AKAP12: variants seen among roughly 807,000 people sequenced by gnomAD.
The protein encoded by AKAP12 is A-kinase anchoring protein 12.
A neutral mutation model predicts 79.9 loss-of-function variants in AKAP12; 32 were observed. The observed-to-expected ratio is 0.40, with a 90% CI of 0.30 to 0.54. The LOEUF (loss-of-function observed/expected upper bound fraction) is 0.54. Ranked by LOEUF, AKAP12 falls within the 20% of genes least tolerant of loss-of-function variation. AKAP12 has a pLI of 0.48. For synonymous variants in AKAP12, 808 were observed against 857.0 expected, an observed-to-expected ratio of 0.94 and a Z score of 1.00; for missense variants, 2,074 against 2,177.0, an observed-to-expected ratio of 0.95 and a Z score of 0.94.
intron 3 of AKAP12, among the ~76,000 whole-genome samples, chr6:151,317,489 T>TCAGA (rs1163517737): frequency 6.6e-6 from 1 of 152,212 alleles, no homozygotes; most frequent in Non-Finnish European, 1.5e-5. Flanking sequence ...TATATATATT[T>TCAGA]CAGACAGGAA....
At chr6:151,257,226 G>C (rs1797319732) in intron 2 of AKAP12, among the ~76,000 whole-genome samples, 1 of 151,952 alleles carries the variant, frequency 6.6e-6, no homozygotes, top group Non-Finnish European at 1.5e-5. Context: ...TTGTCTAGTA[G>C]TTCCCAGTGT....
chr6:151,341,697 C>CG, intron 3 of AKAP12: 1 of 1,246,626 alleles, frequency 8.0e-7, no homozygotes, highest in Non-Finnish European at 1.0e-6. Flanking sequence ...GTGAGTAGCA[C>CG]GTGCACCCAA....
intron 2 of AKAP12, among the ~76,000 whole-genome samples, chr6:151,264,600 G>C (rs1282562217): frequency 6.6e-6 from 1 of 151,352 alleles, no homozygotes; most frequent in Non-Finnish European, 1.5e-5. Flanking sequence ...GAACCCGGGA[G>C]GCAGAGGTTG....
chr6:151,330,349 G>T (rs1933082), intron 3 of AKAP12, among the ~76,000 whole-genome samples: 76,416 of 151,952 alleles, frequency 0.5, 22,278 homozygotes, highest in African/African-American at 0.8. Context: ...GCTCCAGTAT[G>T]GGATCCTTGC....
intron 2 of AKAP12, among the ~76,000 whole-genome samples, chr6:151,287,080 C>T (rs1160502422): frequency 1.2e-4 from 18 of 151,820 alleles, no homozygotes; most frequent in African/African-American, 3.4e-4. Flanking sequence ...GCTGGGACTA[C>T]AGGCGCCCGC....
intron 3 of AKAP12, among the ~76,000 whole-genome samples, chr6:151,334,051 C>T (rs1055352497): frequency 1.3e-5 from 2 of 152,120 alleles, no homozygotes; most frequent in African/African-American, 2.4e-5. Flanking sequence ...GGGAGGATCA[C>T]TTGAAGCCAG....
chr6:151,329,340 T>C (rs755052090), intron 3 of AKAP12, among the ~76,000 whole-genome samples: 3 of 152,240 alleles, frequency 2.0e-5, no homozygotes, highest in African/African-American at 7.2e-5. Context: ...GGTCTTGAAC[T>C]CCTGACCTCA....
intron 2 of AKAP12, among the ~76,000 whole-genome samples, chr6:151,279,606 C>A (rs1005866164): frequency 2.6e-5 from 4 of 152,084 alleles, no homozygotes; most frequent in Non-Finnish European, 4.4e-5. Context: ...TAAAAATTTA[C>A]TTTCTCTCTG....
At chr6:151,300,477 G>A (rs548472136) in intron 2 of AKAP12, among the ~76,000 whole-genome samples, 7 of 152,212 alleles carry the variant, frequency 4.6e-5, no homozygotes, top group Admixed American at 1.3e-4. Flanking sequence ...CTCTGCCCCT[G>A]GCATCCTGAC....
At chr6:151,268,945 GTTTTTTTTT>G (rs558502756) in intron 2 of AKAP12, among the ~76,000 whole-genome samples, 15 of 77,432 alleles carry the variant, frequency 1.9e-4, no homozygotes, top group Admixed American at 2.5e-4. Context: ...TGCTCGGCCT[GTTTTTTTTT>G]TTTTTTTTTT....
rs139077508 is a variant in AKAP12 at position 151,268,357 on chromosome 6, C to T, written c.162+27633C>T. Among the ~76,000 whole-genome samples, 224 of 152,188 alleles carry T rather than the reference C, an allele frequency of 1.5e-3. 1 individual carries two copies. The highest frequency in any genetic ancestry group is 5.1e-3 in the African/African-American group (213 of 41,528). On this transcript the variant is annotated intron_variant, in intron 2 of 4. Transcript: ENST00000402676. ...GCTTGAACCCGGGAGGCAGAGGTTG[C>T]GGTGAGCTGAGATCACGCCATTGCA...
chr6:151,318,268 T>C (rs1777279916), intron 3 of AKAP12, among the ~76,000 whole-genome samples: 1 of 152,214 alleles, frequency 6.6e-6, no homozygotes, highest in Non-Finnish European at 1.5e-5. Context: ...GCCTGCAGGA[T>C]TGTGGAAAAT....
intron 2 of AKAP12, among the ~76,000 whole-genome samples, chr6:151,286,234 G>A (rs1222872564): frequency 1.3e-5 from 2 of 152,172 alleles, no homozygotes; most frequent in Non-Finnish European, 2.9e-5. Flanking sequence ...ACTTGTTTAG[G>A]GAAAGCCCTT....
chr6:151,315,554 T>C (rs1209399937), intron 3 of AKAP12, among the ~76,000 whole-genome samples: 2 of 152,226 alleles, frequency 1.3e-5, no homozygotes, highest in Non-Finnish European at 2.9e-5. Flanking sequence ...GTTTTATTTA[T>C]GGAATGAAAA....
At chr6:151,278,341 A>G (rs1167087765) in intron 2 of AKAP12, among the ~76,000 whole-genome samples, 4 of 151,840 alleles carry the variant, frequency 2.6e-5, no homozygotes, top group African/African-American at 4.8e-5. Context: ...TTAGCCTCCC[A>G]AGTAGCTGGG....
chr6:151,299,659 A>T (rs117583624), intron 2 of AKAP12, among the ~76,000 whole-genome samples: 18 of 152,068 alleles, frequency 1.2e-4, no homozygotes, highest in Non-Finnish European at 2.6e-4. Context: ...ATCTTCACAC[A>T]TGAGTGTGTC....
intron 2 of AKAP12, among the ~76,000 whole-genome samples, chr6:151,242,514 G>A (rs1333759344): frequency 6.6e-6 from 1 of 152,192 alleles, no homozygotes; most frequent in African/African-American, 2.4e-5. Context: ...GCACTTACAT[G>A]TATCCTTGGA....
chr6:151,272,329 AGT>A (rs1213637038), intron 2 of AKAP12, among the ~76,000 whole-genome samples: 1 of 140,966 alleles, frequency 7.1e-6, no homozygotes, highest in Non-Finnish European at 1.5e-5. Context: ...TGAGTGACAC[AGT>A]GAGACCCTGT....
chr6:151,334,143 C>T (rs1290124656), intron 3 of AKAP12, among the ~76,000 whole-genome samples: 1 of 152,072 alleles, frequency 6.6e-6, no homozygotes, highest in Non-Finnish European at 1.5e-5. Flanking sequence ...GAAAAGGGAT[C>T]TGCATCTTTA....
Sources: allele counts gnomAD v4.1 joint callset (sites outside exome capture counted in the v4.1 genomes callset), GRCh38; gene constraint gnomAD v4.1.1; transcripts MANE v1.5; gene names NCBI Gene and HGNC (gene_info 2026-07-23, HGNC 2026-07-21).